Variants in SNUPN observed in about 807,000 individuals in gnomAD.
SNUPN encodes the protein snurportin-1.
Under a neutral mutation model 39.2 loss-of-function variants are expected in SNUPN, and 31 were observed. The observed-to-expected ratio is 0.79, with a 90% CI of 0.59 to 1.07. The LOEUF is 1.07. Among genes scored for constraint, SNUPN ranks in the 50% least tolerant of loss-of-function variants. The pLI is 0.00. For synonymous variants in SNUPN, 132 were observed against 159.0 expected, an observed-to-expected ratio of 0.83 and a Z score of 1.28; for missense variants, 382 against 434.2, an observed-to-expected ratio of 0.88 and a Z score of 1.07.
chr15:75,618,395 C>T (rs894219196), intron 2 of SNUPN, among the ~76,000 whole-genome samples: 8 of 152,066 alleles, frequency 5.3e-5, no homozygotes, highest in African/African-American at 1.4e-4. Flanking sequence ...AGAAGCCAGG[C>T]CTTTCTCCAG....
intron 8 of SNUPN, among the ~76,000 whole-genome samples, chr15:75,598,959 G>T (rs1410413835): frequency 5.3e-5 from 8 of 152,092 alleles, no homozygotes; most frequent in Admixed American, 5.2e-4. Context: ...TTGAGCTCAG[G>T]AGTTTGAGAC....
At chr15:75,604,335 T>C (rs1004429397) in intron 7 of SNUPN, among the ~76,000 whole-genome samples, 1 of 151,984 alleles carries the variant, frequency 6.6e-6, no homozygotes, top group Non-Finnish European at 1.5e-5. Flanking sequence ...TAATTGTTTT[T>C]GTATTTAGTA....
At chr15:75,614,624 C>T (rs993477963) in intron 3 of SNUPN, among the ~76,000 whole-genome samples, 2 of 151,950 alleles carry the variant, frequency 1.3e-5, no homozygotes, top group Admixed American at 6.6e-5. Flanking sequence ...GAGAGTGACA[C>T]TAATTAGTAT....
chr15:75,609,238 G>A (rs1021046490), intron 5 of SNUPN, among the ~76,000 whole-genome samples: 2 of 138,646 alleles, frequency 1.4e-5, no homozygotes, highest in Non-Finnish European at 3.1e-5. Context: ...GCCGGACTGC[G>A]GACTGCAGTG....
chr15:75,624,635 T>C, intron 1 of SNUPN: 1 of 822,908 alleles, frequency 1.2e-6, no homozygotes, highest in Non-Finnish European at 1.5e-6. Context: ...ATCGTGCCAC[T>C]GCACTCCAGC....
In SNUPN at chr15:75,617,542, C is replaced by T; in HGVS notation, c.169G>A (p.Asp57Asn). The change falls in exon 3 of 9, where the codon GAT (aspartate) becomes AAT (asparagine). Residue 57 changes from aspartate (D) to asparagine (N), a missense_variant. Coordinates refer to ENST00000308588, the MANE Select transcript of SNUPN (RefSeq NM_005701.4). ...LLELQKSKRLDYVNHARRLAE... is the reference protein window; with the variant it reads ...LLELQKSKRLNYVNHARRLAE... ...AGTCTTCTGGCATGGTTCACATAAT[C>T]CAGCCGCTTGCTGGAAGGAAAAAAA... 1.9e-6 allele frequency: 3 copies of T among 1,609,134 alleles called. No homozygotes were observed. Among genetic ancestry groups the T allele is most frequent in the Non-Finnish European group, 1.7e-6 (2 of 1,178,754 alleles).
intron 3 of SNUPN, among the ~76,000 whole-genome samples, chr15:75,611,121 T>C (rs1047969938): frequency 3.4e-5 from 5 of 147,862 alleles, no homozygotes; most frequent in Non-Finnish European, 7.4e-5. Context: ...TAAGCCAAGA[T>C]CACGCCACTG....
chr15:75,612,037 C>CTTTT (rs60411925), intron 3 of SNUPN, among the ~76,000 whole-genome samples: 1 of 139,630 alleles, frequency 7.2e-6, no homozygotes, highest in Non-Finnish European at 1.5e-5. Flanking sequence ...CCTTTTTTTC[C>CTTTT]TTTTTTTTTT....
At chr15:75,603,494 T>C (rs1192099112) in intron 7 of SNUPN, among the ~76,000 whole-genome samples, 2 of 150,076 alleles carry the variant, frequency 1.3e-5, no homozygotes, top group African/African-American at 4.9e-5. Flanking sequence ...ACCCCGTCTC[T>C]ACTAAAAATA....
chr15:75,621,571 C>A (rs1893072792), intron 1 of SNUPN, among the ~76,000 whole-genome samples: 1 of 152,130 alleles, frequency 6.6e-6, no homozygotes, highest in African/African-American at 2.4e-5. Flanking sequence ...CTTTTCTGAG[C>A]AGTTCCTCTA....
At chr15:75,605,598 C>T (rs374983869) in intron 6 of SNUPN, among the ~76,000 whole-genome samples, 3 of 152,068 alleles carry the variant, frequency 2.0e-5, no homozygotes, top group African/African-American at 7.2e-5. Flanking sequence ...CTGCGCCCAC[C>T]GGGCCTCTTC....
rs373748111 is a variant in SNUPN at position 75,601,250 on chromosome 15, C to T, written c.679-32G>A. On this transcript the variant is annotated intron_variant, in intron 7 of 8. Transcript: ENST00000308588. ...TAGAAATTAGAACAAGGAATTAGTA[C>T]GTTATAAATGATACTGGCCCAAGCA... 4,255 of 1,431,818 alleles carry T rather than the reference C, an allele frequency of 3.0e-3. 10 individuals are homozygous for T. The highest frequency in any genetic ancestry group is 3.8e-3 in the Non-Finnish European group (3,880 of 1,014,930). The allele number at this position is 1,431,818 out of a possible 1,614,324, so 88.7% of individuals were successfully genotyped here.
chr15:75,605,266 C>T (rs2075321969), intron 6 of SNUPN, 39 bp from the exon 7 acceptor site: 1 of 1,417,514 alleles, frequency 7.1e-7, no homozygotes, highest in Non-Finnish European at 9.9e-7. Flanking sequence ...GAAATACTTT[C>T]CATTTCAAAC....
intron 3 of SNUPN, among the ~76,000 whole-genome samples, chr15:75,611,161 C>T (rs200302977): frequency 1.3e-5 from 2 of 149,816 alleles, no homozygotes; most frequent in South Asian, 2.1e-4. Context: ...AGTGAGACTT[C>T]GTCTCAAAAA....
intron 1 of SNUPN, among the ~76,000 whole-genome samples, chr15:75,623,641 C>T (rs1224033295): frequency 1.3e-5 from 2 of 151,844 alleles, no homozygotes; most frequent in Admixed American, 1.3e-4. Flanking sequence ...GAAGAGGTTT[C>T]ATTATGTTGG....
chr15:75,618,822 G>A (rs906876570), intron 2 of SNUPN, among the ~76,000 whole-genome samples: 3 of 152,048 alleles, frequency 2.0e-5, no homozygotes, highest in African/African-American at 7.2e-5. Flanking sequence ...AACATTGTTT[G>A]TAATCACAAG....
At chr15:75,622,059 A>T (rs1056125735) in intron 1 of SNUPN, among the ~76,000 whole-genome samples, 3 of 151,326 alleles carry the variant, frequency 2.0e-5, no homozygotes, top group Admixed American at 2.0e-4. Flanking sequence ...ACAAACAAAC[A>T]AAAAAACAAA....
In SNUPN at chr15:75,599,468, C is replaced by T. The variant is rs74414679; in HGVS notation, c.760-787G>A. Among the ~76,000 whole-genome samples the T allele has an allele frequency of 8.2e-3, 1,244 of 152,328 alleles. 30 individuals carry two copies. In the East Asian group the frequency reaches 0.1, roughly 13 times the overall value. On this transcript the variant is annotated intron_variant, in intron 8 of 8. Coordinates refer to ENST00000308588, the MANE Select transcript of SNUPN (RefSeq NM_005701.4). ...AGCAGAGGAACTGGACAGGCCCCTC[C>T]GGGGCAGCAGATTGCTGCACACAGT...
intron 6 of SNUPN, among the ~76,000 whole-genome samples, chr15:75,605,943 C>G (rs1480121524): frequency 6.6e-6 from 1 of 152,078 alleles, no homozygotes; most frequent in Non-Finnish European, 1.5e-5. Flanking sequence ...GTCAGGAGTT[C>G]AAGACAGCCT....
Sources: gnomAD v4.1 joint callset for allele counts (sites outside exome capture counted in the v4.1 genomes callset) on GRCh38, gnomAD v4.1.1 for gene constraint, MANE v1.5 for transcripts, NCBI Gene and HGNC (gene_info 2026-07-23, HGNC 2026-07-21) for gene names.